Variants in SKAP1 observed in about 807,000 individuals in gnomAD.
SKAP1 encodes src kinase-associated phosphoprotein 1.
SKAP1 carries 44 observed loss-of-function variants against 58.5 expected under a neutral mutation model. The observed-to-expected ratio is 0.75, with a 90% CI of 0.59 to 0.97. SKAP1 has a LOEUF of 0.97. Ranked by LOEUF, SKAP1 falls within the 50% of genes least tolerant of loss-of-function variation. The pLI is 0.00. For synonymous variants in SKAP1, 127 were observed against 149.7 expected (o/e 0.85, Z 1.11); for missense variants, 390 against 435.2 (o/e 0.90, Z 0.92).
intron 4 of SKAP1, among the ~76,000 whole-genome samples, chr17:48,263,749 G>A (rs990092593): frequency 1.3e-4 from 20 of 152,132 alleles, no homozygotes; most frequent in Admixed American, 7.9e-4. Flanking sequence ...TCCAGTCATC[G>A]AGTCAACAGC....
chr17:48,300,866 C>G (rs976904553), intron 4 of SKAP1, among the ~76,000 whole-genome samples: 6 of 152,158 alleles, frequency 3.9e-5, no homozygotes, highest in African/African-American at 1.4e-4. Context: ...TTGCCTTCTC[C>G]TCCCTTCAAG....
chr17:48,375,192 C>T (rs1035870215), intron 2 of SKAP1, among the ~76,000 whole-genome samples: 4 of 152,080 alleles, frequency 2.6e-5, no homozygotes, highest in Non-Finnish European at 5.9e-5. Flanking sequence ...GGTCTTGAGT[C>T]TATATTTACA....
intron 4 of SKAP1, among the ~76,000 whole-genome samples, chr17:48,275,932 A>G (rs1037760833): frequency 6.6e-6 from 1 of 152,156 alleles, no homozygotes; most frequent in African/African-American, 2.4e-5. Context: ...GGACCACTAT[A>G]TCTTATTAAT....
At chr17:48,237,505 G>A (rs1429936293) in intron 4 of SKAP1, among the ~76,000 whole-genome samples, 2 of 152,164 alleles carry the variant, frequency 1.3e-5, no homozygotes, top group African/African-American at 4.8e-5. Flanking sequence ...CCATGGTACA[G>A]CATTTAAATT....
At chr17:48,415,762 A>T (rs899190449) in intron 1 of SKAP1, among the ~76,000 whole-genome samples, 1 of 151,938 alleles carries the variant, frequency 6.6e-6, no homozygotes, top group African/African-American at 2.4e-5. Flanking sequence ...CAGAACCCGA[A>T]CCTGGCTCCC....
At chr17:48,215,472 G>A (rs1248220816) in intron 4 of SKAP1, among the ~76,000 whole-genome samples, 9 of 152,184 alleles carry the variant, frequency 5.9e-5, no homozygotes, top group Non-Finnish European at 8.8e-5. Flanking sequence ...ATATATCTGC[G>A]AAAGCAGAAC....
intron 4 of SKAP1, among the ~76,000 whole-genome samples, chr17:48,211,082 A>G (rs963392225): frequency 6.6e-6 from 1 of 152,062 alleles, no homozygotes; most frequent in African/African-American, 2.4e-5. Context: ...AGAGTTTTGC[A>G]TCTTGGTGAT....
intron 11 of SKAP1, among the ~76,000 whole-genome samples, chr17:48,152,243 C>T (rs2063910460): frequency 1.3e-5 from 2 of 152,278 alleles, no homozygotes; most frequent in South Asian, 4.1e-4. Context: ...ATCCTATAAT[C>T]TCCATAGAAG....
At chr17:48,170,999 G>A (rs908002180) in intron 9 of SKAP1, among the ~76,000 whole-genome samples, 12 of 150,750 alleles carry the variant, frequency 8.0e-5, no homozygotes, top group African/African-American at 2.4e-4. Flanking sequence ...GAGCTACTGC[G>A]TCCAGCCAGT....
At position 48,405,423 on chromosome 17, in the gene SKAP1, TTC is replaced by T. The variant is rs1285173008; in HGVS notation, c.47-8640_47-8639del. Among the ~76,000 whole-genome samples, 49 of 83,568 alleles carry T rather than the reference TTC, an allele frequency of 5.9e-4. 1 individual carries two copies. The highest frequency in any genetic ancestry group is 2.2e-3 in the African/African-American group (45 of 20,246). The allele number at this position is 83,568 out of a possible 152,430, so 54.8% of individuals were successfully genotyped here. On this transcript the variant is annotated intron_variant, in intron 1 of 12. Transcript: ENST00000336915. ...TTTCTTTCTTTCTTTCTTTCTTTCT[TTC>T]TTTCTTTCTTTCTTTCTTTCTTTCT...
intron 4 of SKAP1, among the ~76,000 whole-genome samples, chr17:48,275,296 C>T (rs974686595): frequency 6.6e-6 from 1 of 152,202 alleles, no homozygotes; most frequent in Non-Finnish European, 1.5e-5. Context: ...GATCTCCCTG[C>T]AGTATTTGAT....
chr17:48,171,157 A>C (rs1301620590), intron 9 of SKAP1, among the ~76,000 whole-genome samples: 3 of 126,818 alleles, frequency 2.4e-5, no homozygotes, highest in Non-Finnish European at 3.1e-5. Flanking sequence ...GCTGGAGTGC[A>C]ATGGTGTGAT....
intron 1 of SKAP1, among the ~76,000 whole-genome samples, chr17:48,400,374 C>T (rs897038613): frequency 6.6e-6 from 1 of 152,096 alleles, no homozygotes; most frequent in African/African-American, 2.4e-5. Flanking sequence ...GCTGGGATTA[C>T]AGGTGTGAGC....
At chr17:48,333,016 GTAAACT>G (rs1008793284) in intron 4 of SKAP1, among the ~76,000 whole-genome samples, 4 of 152,140 alleles carry the variant, frequency 2.6e-5, no homozygotes, top group Non-Finnish European at 5.9e-5. Context: ...GATAGGAAAA[GTAAACT>G]TAAAGTTGTG....
intron 1 of SKAP1, among the ~76,000 whole-genome samples, chr17:48,420,763 A>G (rs2067783836): frequency 6.6e-6 from 1 of 152,196 alleles, no homozygotes; most frequent in African/African-American, 2.4e-5. Context: ...TGTCTAGGCC[A>G]GGGCTTCTCA....
At chr17:48,201,098 A>G (rs1598422286) in intron 4 of SKAP1, among the ~76,000 whole-genome samples, 1 of 152,190 alleles carries the variant, frequency 6.6e-6, no homozygotes, top group African/African-American at 2.4e-5. Context: ...GAGGCAAGGA[A>G]AGGAGGATTT....
At chr17:48,210,758 T>A (rs1259196758) in intron 4 of SKAP1, among the ~76,000 whole-genome samples, 5 of 152,226 alleles carry the variant, frequency 3.3e-5, no homozygotes, top group Admixed American at 3.3e-4. Flanking sequence ...TGTGCTAATA[T>A]AACTCTGGCT....
chr17:48,440,283 G>A, the SKAP1 span, among the ~76,000 whole-genome samples: 1 of 152,166 alleles, frequency 6.6e-6, no homozygotes, highest in South Asian at 2.1e-4. Flanking sequence ...TTCATACGTT[G>A]ACAGACAACC....
intron 4 of SKAP1, among the ~76,000 whole-genome samples, chr17:48,260,929 C>T (rs1317294793): frequency 6.6e-6 from 1 of 152,180 alleles, no homozygotes; most frequent in Non-Finnish European, 1.5e-5. Flanking sequence ...CTGCCTGGAA[C>T]ATTCTTCTTC....
Sources: gnomAD v4.1 joint callset for allele counts (sites outside exome capture counted in the v4.1 genomes callset) on GRCh38, gnomAD v4.1.1 for gene constraint, MANE v1.5 for transcripts, NCBI Gene and HGNC (gene_info 2026-07-23, HGNC 2026-07-21) for gene names.